The following MGAT5 variants were observed in gnomAD, a reference collection of about 807,000 sequenced individuals.
MGAT5 encodes the protein alpha-1,6-mannosylglycoprotein 6-beta-N-acetylglucosaminyltransferase.
In MGAT5, 30 loss-of-function variants were observed where a neutral mutation model predicts 94.3. The observed-to-expected ratio is 0.32, with a 90% CI of 0.24 to 0.43. MGAT5 has a LOEUF of 0.43. MGAT5 is among the 20% of genes least tolerant of loss of function. The pLI is 1.00. For missense variants in MGAT5, 691 were observed against 905.5 expected (o/e 0.76, Z 3.04); for synonymous variants, 310 against 322.9 (o/e 0.96, Z 0.43).
At chr2:134,220,560 G>T (rs1444424777) in intron 1 of MGAT5, among the ~76,000 whole-genome samples, 1 of 152,186 alleles carries the variant, frequency 6.6e-6, no homozygotes, top group Non-Finnish European at 1.5e-5. Context: ...CCAGCCCATT[G>T]TGCCCCATCT....
At chr2:134,301,174 G>A (rs1469854223) in intron 2 of MGAT5, among the ~76,000 whole-genome samples, 1 of 152,088 alleles carries the variant, frequency 6.6e-6, no homozygotes, top group Non-Finnish European at 1.5e-5. Context: ...TTTCAAGATT[G>A]ATCCATGGTG....
chr2:134,270,351 T>A, intron 1 of MGAT5, 35 bp from the exon 2 acceptor site: 1 of 1,603,700 alleles, frequency 6.2e-7, no homozygotes, highest in Non-Finnish European at 8.5e-7. Context: ...GTAGAGGCCA[T>A]AGAATTTTAA....
At chr2:134,241,698 T>A (rs1263265946) in intron 1 of MGAT5, among the ~76,000 whole-genome samples, 2 of 152,234 alleles carry the variant, frequency 1.3e-5, no homozygotes, top group African/African-American at 4.8e-5. Context: ...TAATATCCTA[T>A]CTTTCTCATA....
rs1033798133 is a variant in MGAT5, at chr2:134,373,274, G to C, written c.1380+10866G>C. Among the ~76,000 whole-genome samples the C allele has an allele frequency of 5.9e-5, 9 of 152,292 alleles. No homozygotes were observed. The East Asian group carries it at 1.7e-3, about 29-fold the overall frequency. On this transcript the variant is annotated intron_variant, in intron 10 of 15. Coordinates refer to ENST00000281923, the MANE Select transcript of MGAT5 (RefSeq NM_002410.5). The stretch of plus-strand genomic sequence containing the variant: ...GGCAGCGTCTCACATAGTGACCCAG[G>C]GGCCTTTGGTGCCCAGAAGATGAGC...
intron 1 of MGAT5, among the ~76,000 whole-genome samples, chr2:134,236,497 A>T (rs1257194): frequency 2.6e-5 from 4 of 151,950 alleles, no homozygotes; most frequent in Non-Finnish European, 4.4e-5. Flanking sequence ...TGCTGTTCTC[A>T]TGATAGTGAG....
At chr2:134,267,146 A>T (rs1369350647) in intron 1 of MGAT5, among the ~76,000 whole-genome samples, 2 of 152,140 alleles carry the variant, frequency 1.3e-5, no homozygotes, top group Admixed American at 1.3e-4. Context: ...TTCCCTAACA[A>T]GTAGATTCAG....
At position 134,338,396 on chromosome 2, in the gene MGAT5, C is replaced by A; in HGVS notation, c.783C>A (p.Asn261Lys). The A allele has an allele frequency of 6.2e-7, 1 of 1,605,824 alleles. No individual in the cohort carries two copies. The highest frequency in any genetic ancestry group is 1.3e-5 in the African/African-American group (1 of 74,520). The change falls in exon 6 of 16, where the codon AAC becomes AAA. Residue 261 changes from asparagine (N) to lysine (K), a missense_variant. Coordinates refer to ENST00000281923, the MANE Select transcript of MGAT5 (RefSeq NM_002410.5). ...TCAAGTCCCTGGCAGAAAAGCAGAA[C>A]CTTGAAAAGAGAAAGCGGAAGAAAG... Reference protein sequence around the residue: ...QAIKSLAEKQNLEKRKRKKVL... With the variant: ...QAIKSLAEKQKLEKRKRKKVL...
chr2:134,346,189 T>A (rs990371055), intron 8 of MGAT5, among the ~76,000 whole-genome samples: 1 of 152,194 alleles, frequency 6.6e-6, no homozygotes, highest in Non-Finnish European at 1.5e-5. Context: ...ATCTACACGG[T>A]ATAGGCTTCC....
At chr2:134,185,608 T>C (rs1330116734) in intron 1 of MGAT5, among the ~76,000 whole-genome samples, 1 of 152,226 alleles carries the variant, frequency 6.6e-6, no homozygotes, top group African/African-American at 2.4e-5. Flanking sequence ...AGTGCTTAAC[T>C]GATTCAGGTA....
chr2:134,194,958 T>C (rs890203924), intron 1 of MGAT5, among the ~76,000 whole-genome samples: 15 of 152,230 alleles, frequency 9.9e-5, no homozygotes, highest in African/African-American at 3.6e-4. Flanking sequence ...TATCTAGTCT[T>C]TTCTCTGTAG....
chr2:134,376,811 A>T (rs1477956064), intron 10 of MGAT5, among the ~76,000 whole-genome samples: 1 of 152,130 alleles, frequency 6.6e-6, no homozygotes, highest in Non-Finnish European at 1.5e-5. Context: ...TAGGACCGTG[A>T]TCCAAGGATA....
At chr2:134,170,385 A>T (rs1688147780) in intron 1 of MGAT5, among the ~76,000 whole-genome samples, 1 of 152,196 alleles carries the variant, frequency 6.6e-6, no homozygotes, top group African/African-American at 2.4e-5. Context: ...GTAAACATTT[A>T]TTGAGCCCAG....
At position 134,408,156 on chromosome 2, in the gene MGAT5, G is replaced by A. The variant is rs150278293; in HGVS notation, c.1531-4713G>A. 3.1e-3 allele frequency among the ~76,000 whole-genome samples: 466 copies of A among 152,266 alleles called. 2 individuals carry two copies. The highest frequency in any genetic ancestry group is 0.011 in the African/African-American group (446 of 41,548). ...CTGCCTCCGTGTTGGCGGCTGAGGG[G>A]TTGTCCTGGTGTGGAATTTGGGGGA... On this transcript the variant is annotated intron_variant, in intron 11 of 15. Coordinates refer to ENST00000281923, the MANE Select transcript of MGAT5 (RefSeq NM_002410.5).
chr2:134,330,462 T>C (rs1028013609), intron 4 of MGAT5, among the ~76,000 whole-genome samples: 4 of 152,048 alleles, frequency 2.6e-5, no homozygotes, highest in African/African-American at 7.2e-5. Flanking sequence ...AGAGAAGTTA[T>C]AGTGGCAAAT....
chr2:134,204,613 C>T (rs181248365), intron 1 of MGAT5, among the ~76,000 whole-genome samples: 130 of 152,082 alleles, frequency 8.5e-4, no homozygotes, highest in African/African-American at 2.0e-3. Flanking sequence ...GGGCAGTACC[C>T]CAGGAAGGAG....
intron 1 of MGAT5, among the ~76,000 whole-genome samples, chr2:134,137,879 C>CTTTCT (rs370412019): frequency 0.026 from 3,866 of 146,870 alleles, 65 homozygotes; most frequent in Middle Eastern, 0.04. Context: ...AGCATCTCGC[C>CTTTCT]TTTCTTTTCT....
At chr2:134,293,380 C>T (rs966447416) in intron 2 of MGAT5, among the ~76,000 whole-genome samples, 2 of 152,008 alleles carry the variant, frequency 1.3e-5, no homozygotes, top group Admixed American at 1.3e-4. Flanking sequence ...TGCTTTGCTC[C>T]GTTCCTTTTC....
intron 1 of MGAT5, among the ~76,000 whole-genome samples, chr2:134,263,713 T>A (rs780712068): frequency 5.8e-4 from 89 of 152,192 alleles, no homozygotes; most frequent in Non-Finnish European, 7.2e-4. Context: ...TGGCACTATC[T>A]TTGATTCTTA....
intron 2 of MGAT5, among the ~76,000 whole-genome samples, chr2:134,300,350 G>A (rs1685940921): frequency 6.6e-6 from 1 of 152,144 alleles, no homozygotes; most frequent in African/African-American, 2.4e-5. Flanking sequence ...CCTACAGACA[G>A]GATTAGGAAT....
Sources: gnomAD v4.1 joint callset for allele counts (sites outside exome capture counted in the v4.1 genomes callset) on GRCh38, gnomAD v4.1.1 for gene constraint, MANE v1.5 for transcripts, NCBI Gene and HGNC (gene_info 2026-07-23, HGNC 2026-07-21) for gene names.